NTNG1: variants seen among roughly 807,000 people sequenced by gnomAD.
NTNG1 encodes the protein netrin-G1.
In NTNG1, 16 loss-of-function variants were observed where a neutral mutation model predicts 54.0. That is an observed-to-expected ratio of 0.30 (90% confidence interval 0.20 to 0.45). The LOEUF (loss-of-function observed/expected upper bound fraction) is 0.45, where lower values mean the gene tolerates loss of function less well. Among genes scored for constraint, NTNG1 ranks in the 20% least tolerant of loss-of-function variants. NTNG1 has a pLI of 1.00. For synonymous variants in NTNG1, 255 were observed against 263.1 expected, an observed-to-expected ratio of 0.97 and a Z score of 0.30; for missense variants, 530 against 678.7, an observed-to-expected ratio of 0.78 and a Z score of 2.43.
At chr1:107,142,485 C>T (rs1463047349) in intron 1 of NTNG1, among the ~76,000 whole-genome samples, 1 of 151,942 alleles carries the variant, frequency 6.6e-6, no homozygotes, top group African/African-American at 2.4e-5. Flanking sequence ...CTCTCTCACC[C>T]ATTCTTCTCT....
At chr1:107,335,185 A>T (rs1396886686) in intron 3 of NTNG1, among the ~76,000 whole-genome samples, 1 of 152,000 alleles carries the variant, frequency 6.6e-6, no homozygotes, top group Non-Finnish European at 1.5e-5. Context: ...TTCCTGGATG[A>T]AGAGAAGTCC....
chr1:107,420,993 T>C, intron 5 of NTNG1: 1 of 839,724 alleles, frequency 1.2e-6, no homozygotes, highest in Non-Finnish European at 2.0e-6. Context: ...AATTTAGGGC[T>C]ACTTTTCAAG....
At chr1:107,196,953 T>TGC (rs990775907) in intron 2 of NTNG1, among the ~76,000 whole-genome samples, 2 of 151,924 alleles carry the variant, frequency 1.3e-5, no homozygotes, top group Non-Finnish European at 2.9e-5. Context: ...TGTGTGTGTG[T>TGC]GCGCACGTGC....
intron 2 of NTNG1, among the ~76,000 whole-genome samples, chr1:107,218,489 C>A (rs906229612): frequency 3.3e-5 from 5 of 152,080 alleles, no homozygotes; most frequent in African/African-American, 9.7e-5. Flanking sequence ...TTCTATTCAT[C>A]ATGCTATTTG....
chr1:107,331,084 C>T (rs867075731), intron 3 of NTNG1, among the ~76,000 whole-genome samples: 4 of 152,024 alleles, frequency 2.6e-5, no homozygotes, highest in Admixed American at 1.3e-4. Flanking sequence ...CCCCATTTTA[C>T]AGAGGAGAAA....
chr1:107,216,215 G>A (rs1023019359), intron 2 of NTNG1, among the ~76,000 whole-genome samples: 1 of 152,130 alleles, frequency 6.6e-6, no homozygotes, highest in Non-Finnish European at 1.5e-5. Flanking sequence ...GGGCATCCTT[G>A]TCTTATTCCA....
At chr1:107,345,515 T>C (rs1003318935) in intron 3 of NTNG1, among the ~76,000 whole-genome samples, 1 of 152,142 alleles carries the variant, frequency 6.6e-6, no homozygotes, top group Admixed American at 6.6e-5. Context: ...TTTGGCTTTC[T>C]CCTTTGAAAT....
intron 2 of NTNG1, among the ~76,000 whole-genome samples, chr1:107,304,586 A>G (rs1419915026): frequency 6.6e-6 from 1 of 152,198 alleles, no homozygotes; most frequent in East Asian, 1.9e-4. Flanking sequence ...TTCTGGACAC[A>G]CATAAATGAT....
intron 7 of NTNG1, among the ~76,000 whole-genome samples, chr1:107,437,677 G>T (rs919125569): frequency 6.6e-6 from 1 of 152,016 alleles, no homozygotes; most frequent in South Asian, 2.1e-4. Flanking sequence ...AAAGTAAAAA[G>T]AAATAAGATA....
At chr1:107,413,370 A>G (rs1453266844) in intron 5 of NTNG1, among the ~76,000 whole-genome samples, 2 of 151,984 alleles carry the variant, frequency 1.3e-5, no homozygotes, top group East Asian at 3.9e-4. Context: ...GTCTCACCCT[A>G]TTAGCCAGGA....
chr1:107,149,714 A>G (rs1654415821), intron 2 of NTNG1, among the ~76,000 whole-genome samples: 1 of 152,176 alleles, frequency 6.6e-6, no homozygotes, highest in Non-Finnish European at 1.5e-5. Flanking sequence ...GCTGGTGATT[A>G]AAATAGTATA....
At chr1:107,464,567 C>G (rs1677483816) in intron 7 of NTNG1, among the ~76,000 whole-genome samples, 2 of 152,220 alleles carry the variant, frequency 1.3e-5, no homozygotes, top group East Asian at 1.9e-4. Context: ...CACGGAACAA[C>G]AAGTGAAAAA....
At chr1:107,434,862 T>C (rs1341098336) in intron 6 of NTNG1, among the ~76,000 whole-genome samples, 1 of 152,174 alleles carries the variant, frequency 6.6e-6, no homozygotes, top group Non-Finnish European at 1.5e-5. Flanking sequence ...TAAATGACAC[T>C]TTTAAAAAAC....
rs767392453 is a variant in NTNG1, at chr1:107,481,937, G to A, written c.*1097G>A. On this transcript the variant is annotated 3_prime_UTR_variant, in exon 8 of 8. Transcript: ENST00000370068. ...TCACACTCACTTTACTGATTTCTGT[G>A]TGGACTGAGTACATTCAGCTGACGA... 2.0e-5 allele frequency: 3 copies of A among 152,024 alleles called. No homozygotes were observed. The highest frequency in any genetic ancestry group is 4.4e-5 in the Non-Finnish European group (3 of 68,002). 9.4% of individuals were successfully genotyped at this position (152,024 alleles called of 1,614,324 possible).
chr1:107,324,670 C>G lies in NTNG1; in HGVS notation c.635C>G (p.Thr212Arg). ...LEIICTEEYS[T>R]GYTTNSKIIH... is the part of the protein sequence containing the mutation. ...ATCATTTGCACAGAAGAGTACTCAA[C>G]AGGGTATACAACAAATAGCAAAATA... The change falls in exon 3 of 8, where the codon ACA becomes AGA. Residue 212 changes from threonine to arginine, a missense_variant. By Grantham distance (71) the Thr-to-Arg change is moderately conservative. Transcript: ENST00000370068. The G allele has an allele frequency of 1.2e-6, 2 of 1,613,626 alleles. No individual in the cohort carries two copies. The highest frequency in any genetic ancestry group is 1.7e-6 in the Non-Finnish European group (2 of 1,179,796).
intron 5 of NTNG1, among the ~76,000 whole-genome samples, chr1:107,422,834 C>T (rs546163527): frequency 6.6e-6 from 1 of 152,170 alleles, no homozygotes; most frequent in South Asian, 2.1e-4. Context: ...TCTAATTGTG[C>T]CACATTCATT....
intron 1 of NTNG1, among the ~76,000 whole-genome samples, chr1:107,143,989 C>A (rs1189710192): frequency 3.3e-5 from 5 of 151,984 alleles, no homozygotes; most frequent in African/African-American, 1.2e-4. Context: ...GCTCATAATA[C>A]CCAATCAAGT....
intron 2 of NTNG1, among the ~76,000 whole-genome samples, chr1:107,323,471 C>A (rs1267803048): frequency 2.0e-5 from 3 of 152,120 alleles, no homozygotes; most frequent in Non-Finnish European, 4.4e-5. Context: ...AACTAACATC[C>A]ATGAAGAACT....
intron 2 of NTNG1, among the ~76,000 whole-genome samples, chr1:107,204,018 G>C (rs1363107368): frequency 6.6e-6 from 1 of 151,778 alleles, no homozygotes; most frequent in African/African-American, 2.4e-5. Context: ...TTAGCTATTT[G>C]TATTTCATAG....
Sources: allele counts gnomAD v4.1 joint callset (sites outside exome capture counted in the v4.1 genomes callset), GRCh38; gene constraint gnomAD v4.1.1; transcripts MANE v1.5; gene names NCBI Gene and HGNC (gene_info 2026-07-23, HGNC 2026-07-21).